DCAF15: variants seen among roughly 807,000 people sequenced by gnomAD.
DCAF15 encodes the protein DDB1- and CUL4-associated factor 15.
Under a neutral mutation model 68.0 loss-of-function variants are expected in DCAF15, and 24 were observed. The ratio of observed to expected loss-of-function variants is 0.35; its 90% confidence interval spans 0.26 to 0.50. The LOEUF (loss-of-function observed/expected upper bound fraction) is 0.50, where lower values mean the gene tolerates loss of function less well. DCAF15 is among the 20% of genes least tolerant of loss of function. The pLI, the probability that DCAF15 is intolerant of heterozygous loss-of-function variation, is 0.98. For synonymous variants in DCAF15, 376 were observed against 341.6 expected (o/e 1.10, Z -1.11); for missense variants, 627 against 830.6 (o/e 0.75, Z 3.01).
intron 8 of DCAF15, 32 bp from the exon 9 acceptor site, chr19:13,959,735 A>T (rs1252112605): frequency 6.2e-7 from 1 of 1,612,922 alleles, no homozygotes. Flanking sequence ...GGCAGTTGGC[A>T]CCGTCCCCTG....
In DCAF15 at chr19:13,959,449, G is replaced by A; in HGVS notation, c.1189G>A (p.Glu397Lys). 7.5e-6 allele frequency: 12 copies of A among 1,609,872 alleles called. No homozygotes were observed. Among genetic ancestry groups the A allele is most frequent in the Non-Finnish European group, 9.3e-6 (11 of 1,178,968 alleles). ...CTACACCAAGCTGTACTATGTGCTG[G>A]AGTCCGGAGAGGGGACGGAGCCGGA... ...VNYTKLYYVLESGEGTEPEDE... is the reference protein window; with the variant it reads ...VNYTKLYYVLKSGEGTEPEDE... Residue 397 changes from glutamate (E) to lysine (K), a missense_variant, in exon 7 of 13, where the codon GAG (glutamate) becomes AAG (lysine). Coordinates refer to ENST00000254337, the MANE Select transcript of DCAF15 (RefSeq NM_138353.4).
chr19:13,953,518 G>A (rs558632963), intron 1 of DCAF15: 1 of 180,366 alleles, frequency 5.5e-6, no homozygotes, highest in African/African-American at 2.4e-5. Context: ...CAGGGACTGT[G>A]TCTCCCCTGT....
rs1472241091 is a variant in DCAF15, at chr19:13,952,607, G to A, written c.95G>A (p.Arg32Gln). The A allele has an allele frequency of 3.0e-5, 38 of 1,265,486 alleles. No individual in the cohort carries two copies. Among genetic ancestry groups the A allele is most frequent in the Non-Finnish European group, 3.6e-5 (36 of 1,002,276 alleles). The allele number at this position is 1,265,486 out of a possible 1,614,324, so 78.4% of individuals were successfully genotyped here. The change falls in exon 1 of 13, where the codon CGG becomes CAG. Residue 32 changes from arginine (R) to glutamine (Q), a missense_variant. Physicochemically the swap from Arg to Gln is conservative, Grantham distance 43. Transcript: ENST00000254337. ...GGAGGGAAGCGGGCAGCAGGGCGGC[G>A]GCGGGAGCACGTCCTCAAGCAGCTG... is the stretch of plus-strand genomic sequence containing the variant. ...GAGGKRAAGR[R>Q]REHVLKQLER...
intron 3 of DCAF15, 100 bp from the exon 4 acceptor site, chr19:13,955,812 A>G (rs1336949440): frequency 1.6e-6 from 2 of 1,221,500 alleles, no homozygotes; most frequent in African/African-American, 3.0e-5. Flanking sequence ...GGGTGCTCCT[A>G]CCCGCTCAGC....
chr19:13,955,956 C>T lies in DCAF15; in HGVS notation c.411C>T (p.Asp137=). The change falls in exon 4 of 13, where the codon GAC becomes GAT. Residue 137 remains aspartate, a synonymous_variant. Coordinates refer to ENST00000254337, the MANE Select transcript of DCAF15 (RefSeq NM_138353.4). The stretch of plus-strand genomic sequence containing the variant: ...TCCAGGACGAGGAGATCTACAGCGA[C>T]CTGTACCTGACCGTATGCGAGTGGC... ...RLFQDEEIYS[D]LYLTVCEWPS... The T allele has an allele frequency of 1.9e-6, 3 of 1,613,922 alleles. No individual in the cohort carries two copies. The highest frequency in any genetic ancestry group is 1.1e-5 in the South Asian group (1 of 91,088).
chr19:13,959,399 C>T lies in DCAF15; in HGVS notation c.1139C>T (p.Pro380Leu), dbSNP rs765393911. 2 of 1,606,588 alleles carry T rather than the reference C, an allele frequency of 1.2e-6. No individual in the cohort carries two copies. Among genetic ancestry groups the T allele is most frequent in the African/African-American group, 1.3e-5 (1 of 74,916 alleles). The change falls in exon 7 of 13, where the codon CCT becomes CTT. Residue 380 changes from proline to leucine, a missense_variant. This residue lies in a region of DCAF15 where 236 missense variants were observed against 225.1 expected (regional missense o/e 1.05). Transcript: ENST00000254337. The stretch of plus-strand genomic sequence containing the variant: ...GACAGCCCCCCTGCCTCGGAGGCAC[C>T]TGCCTCCGAGCCTGGCTATGTCAAC... ...PRDSPPASEA[P>L]ASEPGYVNYT... is the part of the protein sequence containing the mutation.
rs1389373133 is a variant in DCAF15, at chr19:13,961,261, G to A, written c.*266G>A. On this transcript the variant is annotated 3_prime_UTR_variant, in exon 13 of 13. Coordinates refer to ENST00000254337, the MANE Select transcript of DCAF15 (RefSeq NM_138353.4). ...AGTGCCCCGCCTTCACCCCGAGCTG[G>A]GCATGGGCCTGGCCCCTCGTGCATT... 2.1e-5 allele frequency: 12 copies of A among 559,270 alleles called. No individual in the cohort carries two copies. Among genetic ancestry groups the A allele is most frequent in the African/African-American group, 2.1e-4 (11 of 52,612 alleles). The allele number at this position is 559,270 out of a possible 1,614,324, so 34.6% of individuals were successfully genotyped here.
chr19:13,956,289 T>C (rs895166379), intron 5 of DCAF15, 27 bp downstream of exon 5: 4 of 1,611,438 alleles, frequency 2.5e-6, no homozygotes, highest in Non-Finnish European at 3.4e-6. Flanking sequence ...GGCGAGGGCC[T>C]CTTCCCCCCT....
At chr19:13,958,553 C>G (rs1297769089) in intron 6 of DCAF15, among the ~76,000 whole-genome samples, 1 of 152,140 alleles carries the variant, frequency 6.6e-6, no homozygotes, top group East Asian at 1.9e-4. Context: ...GGGGAGTCGT[C>G]TCTAGGCAGG....
At position 13,960,449 on chromosome 19, in the gene DCAF15, C is replaced by A; in HGVS notation, c.1632-16C>A. The A allele has an allele frequency of 6.2e-7, 1 of 1,611,590 alleles. No individual in the cohort carries two copies. Among genetic ancestry groups the A allele is most frequent in the Non-Finnish European group, 8.5e-7 (1 of 1,178,878 alleles). On this transcript the variant is annotated splice_polypyrimidine_tract_variant and intron_variant, in intron 11 of 12. Transcript: ENST00000254337. ...CGGCCAAGGCGACGAGAGCCACTCACCCCCTGGCCCCGCAGCGGCAGTGTC... is the reference window on the plus strand; with the variant it reads ...CGGCCAAGGCGACGAGAGCCACTCAACCCCTGGCCCCGCAGCGGCAGTGTC...
intron 3 of DCAF15, among the ~76,000 whole-genome samples, chr19:13,955,427 A>T (rs917961536): frequency 1.3e-5 from 2 of 152,232 alleles, no homozygotes; most frequent in Non-Finnish European, 2.9e-5. Flanking sequence ...AAAAAGAAAA[A>T]GAAATTACCA....
intron 3 of DCAF15, among the ~76,000 whole-genome samples, chr19:13,955,221 G>A (rs909209395): frequency 3.3e-5 from 5 of 152,164 alleles, no homozygotes; most frequent in Middle Eastern, 3.2e-3. Context: ...AGGAGTTCAA[G>A]ACCAGCCTGG....
intron 12 of DCAF15, 88 bp from the exon 13 acceptor site, chr19:13,960,849 CCTT>C (rs1973599005): frequency 6.5e-7 from 1 of 1,550,044 alleles, no homozygotes; most frequent in South Asian, 1.1e-5. Flanking sequence ...CCTTCTGGAA[CCTT>C]CTGGGCCAGA....
intron 1 of DCAF15, 143 bp from the exon 2 acceptor site, chr19:13,954,197 T>C (rs1249983038): frequency 1.4e-6 from 1 of 694,640 alleles, no homozygotes; most frequent in African/African-American, 1.8e-5. Flanking sequence ...TGTTCCCACC[T>C]TCCAGAGCTT....
rs1472551169 is a variant in DCAF15, at chr19:13,956,361, A to G, written c.623A>G (p.Asn208Ser). 6.2e-7 allele frequency: 1 copy of G among 1,613,626 alleles called. No homozygotes were observed. The highest frequency in any genetic ancestry group is 8.5e-7 in the Non-Finnish European group (1 of 1,179,998). The change falls in exon 6 of 13, where the codon AAT becomes AGT. Residue 208 changes from asparagine to serine, a missense_variant. Physicochemically the swap from Asn to Ser is conservative, Grantham distance 46 (BLOSUM62 1). Coordinates refer to ENST00000254337, the MANE Select transcript of DCAF15 (RefSeq NM_138353.4). ...DASRAHPGDP[N>S]AQCLRHGFML... ...GCGTGTGTTGCTACAGGAGACCCGA[A>G]TGCACAGTGCCTACGGCATGGCTTC...
chr19:13,960,683 A>C (rs1037677713), intron 12 of DCAF15, 103 bp downstream of exon 12: 24 of 1,222,140 alleles, frequency 2.0e-5, no homozygotes, highest in Non-Finnish European at 2.6e-5. Flanking sequence ...AAGGCTGGTG[A>C]GGAGAGGGCA....
At position 13,956,128 on chromosome 19, in the gene DCAF15, G is replaced by A. The variant is rs1308106095; in HGVS notation, c.479G>A (p.Arg160His). The A allele has an allele frequency of 2.5e-6, 4 of 1,608,934 alleles. No homozygotes were observed. Among genetic ancestry groups the A allele is most frequent in the South Asian group, 1.1e-5 (1 of 90,814 alleles). The change falls in exon 5 of 13, where the codon CGC (arginine) becomes CAC (histidine). Residue 160 changes from arginine to histidine, a missense_variant. Arg to His is a conservative substitution (Grantham distance 29). Coordinates refer to ENST00000254337, the MANE Select transcript of DCAF15 (RefSeq NM_138353.4). ...SKVIVFGFNT[R>H]SANGMLMNMM... Reference sequence around the variant, plus strand: ...GAGGGTATGCTGGCCCCCAGCACCCGCTCGGCCAACGGGATGCTCATGAAC... The same window carrying A: ...GAGGGTATGCTGGCCCCCAGCACCCACTCGGCCAACGGGATGCTCATGAAC...
chr19:13,952,670 G>C (rs1290744642), intron 1 of DCAF15, 26 bp downstream of exon 1: 36 of 1,291,800 alleles, frequency 2.8e-5, no homozygotes, highest in Non-Finnish European at 3.4e-5. Context: ...GGAGTGGGGA[G>C]CGCGCCGGAG....
chr19:13,960,569 CGCT>C lies in DCAF15; in HGVS notation c.1739_1741del (p.Leu580del). 6.3e-7 allele frequency: 1 copy of C among 1,590,070 alleles called. No individual in the cohort carries two copies. The highest frequency in any genetic ancestry group is 8.5e-7 in the Non-Finnish European group (1 of 1,169,758). ...TACGTCAACAGGATGACCAATGAGG[CGCT>C]GCACAAAGGTGGGGCTCGGTGACCC... On this transcript the variant is annotated inframe_deletion, in exon 12 of 13. Coordinates refer to ENST00000254337, the MANE Select transcript of DCAF15 (RefSeq NM_138353.4).
Sources: allele counts gnomAD v4.1 joint callset (sites outside exome capture counted in the v4.1 genomes callset), GRCh38; gene constraint gnomAD v4.1.1; regional missense constraint gnomAD v4.1.1; transcripts MANE v1.5; gene names NCBI Gene and HGNC (gene_info 2026-07-23, HGNC 2026-07-21).